The following CCL26 variants were observed in gnomAD, a reference collection of about 807,000 sequenced individuals.
CCL26 encodes C-C motif chemokine 26.
In CCL26, 10 loss-of-function variants were observed where a neutral mutation model predicts 10.7. The observed-to-expected ratio is 0.93, with a 90% CI of 0.57 to 1.58. The LOEUF (loss-of-function observed/expected upper bound fraction) is 1.58, where lower values mean the gene tolerates loss of function less well. CCL26 is among the 40% of genes most tolerant of loss of function. The probability of loss-of-function intolerance (pLI) is 0.00; values close to 1 mark genes in which losing one functional copy is unlikely to be tolerated. For missense variants in CCL26, 116 were observed against 111.0 expected (o/e 1.05, Z -0.20); for synonymous variants, 43 against 41.4 (o/e 1.04, Z -0.15).
At chr7:75,773,348 C>T (rs1802871048), upstream of CCL26, among the ~76,000 whole-genome samples, 2 of 151,494 alleles carry the variant, frequency 1.3e-5, no homozygotes, top group African/African-American at 2.4e-5. Context: ...CGCTTGAATG[C>T]AGGAGGCAGA....
Position 75,769,602 on chromosome 7 carries a change from T to C in CCL26, c.*91A>G. ...CACCCTCTCCTCCCCAGCGGGTCCA[T>C]GTAGCCTTCAGAAAAGATTCCGCAG... is the stretch of plus-strand genomic sequence containing the variant. On this transcript the variant is annotated 3_prime_UTR_variant, in exon 3 of 3. Transcript: ENST00000005180. 2.5e-6 allele frequency: 2 copies of C among 785,408 alleles called. No individual in the cohort carries two copies. Among genetic ancestry groups the C allele is most frequent in the Non-Finnish European group, 4.4e-6 (2 of 450,706 alleles). 48.7% of individuals were successfully genotyped at this position (785,408 alleles called of 1,614,324 possible). A position where few individuals can be genotyped will look rare whatever the true frequency, so the allele number is the denominator to read the frequency against.
chr7:75,778,266 G>T (rs560943855), intron 1 of CCL26, among the ~76,000 whole-genome samples: 1 of 152,194 alleles, frequency 6.6e-6, no homozygotes, highest in South Asian at 2.1e-4. Context: ...CTGTCACCCA[G>T]GCTGGAGGGC....
At chr7:75,780,596 A>C (rs1201206803) in intron 1 of CCL26, among the ~76,000 whole-genome samples, 2 of 152,162 alleles carry the variant, frequency 1.3e-5, no homozygotes, top group Non-Finnish European at 2.9e-5. Context: ...TAACATAGGC[A>C]AACAGTCTGA....
chr7:75,776,028 T>C (rs557981755), upstream of CCL26, among the ~76,000 whole-genome samples: 2 of 149,956 alleles, frequency 1.3e-5, no homozygotes, highest in African/African-American at 4.9e-5. Flanking sequence ...TCTTCACTAA[T>C]TACTTCTGCA....
upstream of CCL26, among the ~76,000 whole-genome samples, chr7:75,773,575 A>G (rs1200075217): frequency 1.3e-5 from 2 of 151,658 alleles, no homozygotes; most frequent in African/African-American, 4.8e-5. Context: ...TATTATTATT[A>G]TTTTGTGTGT....
chr7:75,788,714 A>G (rs1554530327), intron 1 of CCL26, among the ~76,000 whole-genome samples: 1 of 150,670 alleles, frequency 6.6e-6, no homozygotes, highest in African/African-American at 2.4e-5. Context: ...CGACAGAGCA[A>G]GACTCCGTCC....
intron 1 of CCL26, among the ~76,000 whole-genome samples, chr7:75,787,678 A>G: frequency 9.2e-6 from 1 of 108,622 alleles, no homozygotes; most frequent in African/African-American, 3.7e-5. Context: ...AAAAAAAGAC[A>G]CACCCCCCAA....
chr7:75,772,381 G>A, upstream of CCL26: 1 of 566,706 alleles, frequency 1.8e-6, no homozygotes, highest in Non-Finnish European at 3.2e-6. Flanking sequence ...CTGGCACTGG[G>A]CGTGGTGGCT....
At chr7:75,788,809 G>T (rs1386285728) in intron 1 of CCL26, among the ~76,000 whole-genome samples, 7 of 151,982 alleles carry the variant, frequency 4.6e-5, no homozygotes, top group African/African-American at 1.4e-4. Context: ...GGTTTCAAGG[G>T]GGCGTTCTGG....
chr7:75,774,577 C>T (rs548941762), upstream of CCL26, among the ~76,000 whole-genome samples: 28 of 152,122 alleles, frequency 1.8e-4, no homozygotes, highest in African/African-American at 6.5e-4. Flanking sequence ...CTCTGAGTAG[C>T]TAGGATTACA....
chr7:75,785,145 C>T (rs1289946721), intron 1 of CCL26, among the ~76,000 whole-genome samples: 1 of 152,118 alleles, frequency 6.6e-6, no homozygotes, highest in Non-Finnish European at 1.5e-5. Context: ...TACCTTCCTC[C>T]ACAACTCACT....
At chr7:75,774,859 G>A (rs1244609814), upstream of CCL26, among the ~76,000 whole-genome samples, 1 of 152,086 alleles carries the variant, frequency 6.6e-6, no homozygotes, top group Non-Finnish European at 1.5e-5. Flanking sequence ...GTTCAAGGCT[G>A]CAGTGAACTA....
chr7:75,780,301 G>A (rs1177970475), intron 1 of CCL26, among the ~76,000 whole-genome samples: 1 of 151,796 alleles, frequency 6.6e-6, no homozygotes, highest in Non-Finnish European at 1.5e-5. Context: ...TGGGGCACAA[G>A]CACCCACTAA....
chr7:75,773,383 C>T (rs1802871922), upstream of CCL26, among the ~76,000 whole-genome samples: 1 of 151,588 alleles, frequency 6.6e-6, no homozygotes, highest in Admixed American at 6.6e-5. Context: ...GAGATCCCGC[C>T]ATTGCACTCC....
intron 1 of CCL26, among the ~76,000 whole-genome samples, chr7:75,784,199 A>G (rs1239636718): frequency 1.3e-5 from 2 of 152,164 alleles, no homozygotes; most frequent in Admixed American, 6.5e-5. Context: ...GGAGCTTGCT[A>G]TAAGTGCTAG....
intron 2 of CCL26, among the ~76,000 whole-genome samples, chr7:75,771,220 C>T (rs1374029205): frequency 3.3e-5 from 5 of 152,086 alleles, no homozygotes; most frequent in Non-Finnish European, 5.9e-5. Context: ...TGTACAACTC[C>T]ACCAATTTAA....
At chr7:75,790,210 TCTTTCTTTCTTC>T (rs1318503044), upstream of CCL26, among the ~76,000 whole-genome samples, 127 of 120,532 alleles carry the variant, frequency 1.1e-3, no homozygotes, top group African/African-American at 3.6e-3. Context: ...TTTCTTTCTT[TCTTTCTTTCTTC>T]CTTCCTTCCT....
intron 2 of CCL26, 68 bp downstream of exon 2, chr7:75,771,821 G>T: frequency 2.1e-6 from 2 of 964,376 alleles, no homozygotes; most frequent in East Asian, 2.4e-5. Flanking sequence ...CATCCTGGGG[G>T]TCTGCCCAGC....
At chr7:75,778,806 G>A (rs900722541) in intron 1 of CCL26, among the ~76,000 whole-genome samples, 6 of 151,292 alleles carry the variant, frequency 4.0e-5, no homozygotes, top group African/African-American at 7.3e-5. Context: ...TGCCGGGCAC[G>A]GTGGCTCATG....
Sources: gnomAD v4.1 joint callset for allele counts (sites outside exome capture counted in the v4.1 genomes callset) on GRCh38, gnomAD v4.1.1 for gene constraint, MANE v1.5 for transcripts, NCBI Gene and HGNC (gene_info 2026-07-23, HGNC 2026-07-21) for gene names.